Variants in CENPF observed in about 807,000 individuals in gnomAD.
CENPF encodes the protein AH antigen.
A neutral mutation model predicts 307.3 loss-of-function variants in CENPF; 214 were observed. The ratio of observed to expected loss-of-function variants is 0.70; its 90% CI spans 0.62 to 0.78. CENPF has a LOEUF of 0.78. Ranked by LOEUF, CENPF falls within the 30% of genes least tolerant of loss-of-function variation. The probability of loss-of-function intolerance (pLI) is 0.00; values close to 1 mark genes in which losing one functional copy is unlikely to be tolerated. For synonymous variants in CENPF, 1,259 were observed against 1,270.6 expected (o/e 0.99, Z 0.19); for missense variants, 3,401 against 3,483.9 (o/e 0.98, Z 0.60).
chr1:214,608,132 C>T (rs1296187096), intron 1 of CENPF, among the ~76,000 whole-genome samples: 2 of 152,222 alleles, frequency 1.3e-5, no homozygotes, highest in South Asian at 2.1e-4. Flanking sequence ...ACACCTCAGC[C>T]ATGTGGAGGC....
At chr1:214,615,163 C>T in intron 3 of CENPF, 135 bp downstream of exon 3, 1 of 539,932 alleles carries the variant, frequency 1.9e-6, no homozygotes, top group Admixed American at 3.8e-5. Flanking sequence ...GATTCGGTCT[C>T]TGTACCGTAA....
At chr1:214,621,021 TC>T (rs1403997080) in intron 6 of CENPF, 75 bp downstream of exon 6, 1 of 1,395,432 alleles carries the variant, frequency 7.2e-7, no homozygotes, top group East Asian at 2.3e-5. Flanking sequence ...ATATTTTTAA[TC>T]CCATAAAGTG....
rs143980257 is a variant in CENPF at position 214,662,311 on chromosome 1, G to A, written c.9142-1280G>A. On this transcript the variant is annotated intron_variant, in intron 19 of 19. Transcript: ENST00000366955. Reference sequence around the variant, plus strand: ...TTATTTTTTTCCTTCAACTTTCCATGGATGGTAATTTTCCATTAAGTCCTG... The same window carrying A: ...TTATTTTTTTCCTTCAACTTTCCATAGATGGTAATTTTCCATTAAGTCCTG... Among the ~76,000 whole-genome samples the A allele has an allele frequency of 4.4e-3, 670 of 151,538 alleles. 5 individuals carry two copies. Among genetic ancestry groups the A allele is most frequent in the Non-Finnish European group, 6.4e-3 (435 of 67,922 alleles).
intron 7 of CENPF, among the ~76,000 whole-genome samples, chr1:214,622,598 A>G (rs1657537874): frequency 6.6e-6 from 1 of 152,202 alleles, no homozygotes. Context: ...TAGGCACTTA[A>G]TGGCACTTTA....
chr1:214,640,897 T>G lies in CENPF; in HGVS notation c.2559T>G (p.Cys853Trp), dbSNP rs756505600. ...TGAACTCAGACCTGCAAAAGCAGTG[T>G]GAAGAGTTGGTGCAAATCAAAGGAG... ...KQMNSDLQKQ[C>W]EELVQIKGEI... Residue 853 changes from cysteine (C) to tryptophan (W), a missense_variant, in exon 12 of 20, where the codon TGT becomes TGG. By Grantham distance (215) the Cys-to-Trp change is radical (BLOSUM62 -2). Transcript: ENST00000366955. 3 of 1,606,308 alleles carry G rather than the reference T, an allele frequency of 1.9e-6. No homozygotes were observed. The highest frequency in any genetic ancestry group is 4.5e-5 in the East Asian group (2 of 44,818).
At chr1:214,615,483 A>G (rs963643695) in intron 3 of CENPF, among the ~76,000 whole-genome samples, 2 of 152,210 alleles carry the variant, frequency 1.3e-5, no homozygotes, top group African/African-American at 4.8e-5. Context: ...TAGTTGAAGC[A>G]TACTGATGGC....
chr1:214,639,729 T>C (rs77560612), intron 11 of CENPF, among the ~76,000 whole-genome samples, 192 bp from the exon 12 acceptor site: 4,494 of 152,098 alleles, frequency 0.03, 102 homozygotes, highest in Middle Eastern at 0.088. Flanking sequence ...ACCATTTTTC[T>C]CATTTTTATA....
At chr1:214,620,356 C>T (rs1016632844) in intron 5 of CENPF, among the ~76,000 whole-genome samples, 20 of 152,136 alleles carry the variant, frequency 1.3e-4, no homozygotes, top group African/African-American at 4.3e-4. Context: ...AGTGAATACT[C>T]ACATATGTTT....
At chr1:214,624,928 C>G (rs761373289) in intron 7 of CENPF, among the ~76,000 whole-genome samples, 1 of 151,976 alleles carries the variant, frequency 6.6e-6, no homozygotes, top group African/African-American at 2.4e-5. Context: ...CCTTTGATTT[C>G]TTCCAGTTTT....
intron 10 of CENPF, among the ~76,000 whole-genome samples, chr1:214,636,781 A>T (rs1298852519): frequency 6.6e-6 from 1 of 152,134 alleles, no homozygotes; most frequent in African/African-American, 2.4e-5. Flanking sequence ...ACAAAGGGGT[A>T]ATTTTGGTAG....
chr1:214,640,906 G>A lies in CENPF; in HGVS notation c.2568G>A (p.Leu856=). 6.2e-7 allele frequency: 1 copy of A among 1,606,460 alleles called. No homozygotes were observed. Among genetic ancestry groups the A allele is most frequent in the Non-Finnish European group, 8.5e-7 (1 of 1,178,244 alleles). Residue 856 remains leucine (L), a synonymous_variant, in exon 12 of 20, where the codon TTG becomes TTA. Transcript: ENST00000366955. ...NSDLQKQCEE[L]VQIKGEIEEN... ...ACCTGCAAAAGCAGTGTGAAGAGTT[G>A]GTGCAAATCAAAGGAGAAATAGAAG...
Position 214,645,683 on chromosome 1 carries a change from A to C in CENPF, c.6113A>C (p.Gln2038Pro), listed in dbSNP as rs142561288. Residue 2038 changes from glutamine (Q) to proline (P), a missense_variant, in exon 13 of 20, where the codon CAG becomes CCG. Physicochemically the swap from Gln to Pro is moderately conservative, Grantham distance 76 (BLOSUM62 -1). Coordinates refer to ENST00000366955, the MANE Select transcript of CENPF (RefSeq NM_016343.4). Reference protein sequence around the residue: ...KDKTHLQEKLQSLEKDSQALS... With the variant: ...KDKTHLQEKLPSLEKDSQALS... ...AAAACTCATCTCCAGGAAAAGCTGC[A>C]GAGTTTGGAAAAGGACTCACAGGCA... The C allele has an allele frequency of 1.7e-3, 2,702 of 1,614,202 alleles. 57 individuals carry two copies. The highest frequency in any genetic ancestry group is 2.4e-4 in the Non-Finnish European group (285 of 1,180,032).
At position 214,641,785 on chromosome 1, in the gene CENPF, A is replaced by G; in HGVS notation, c.3447A>G (p.Leu1149=). 2 of 1,596,624 alleles carry G rather than the reference A, an allele frequency of 1.3e-6. No individual in the cohort carries two copies. Among genetic ancestry groups the G allele is most frequent in the Non-Finnish European group, 1.7e-6 (2 of 1,175,648 alleles). Residue 1149 remains leucine (L), a synonymous_variant, in exon 12 of 20, where the codon TTA becomes TTG. Coordinates refer to ENST00000366955, the MANE Select transcript of CENPF (RefSeq NM_016343.4). ...AAATGCAAAAGGAAGTTAATGACTT[A>G]TTACAAGAGAATGAACAGCTGATGA... ...QNKMQKEVND[L]LQENEQLMKV...
chr1:214,661,468 CT>C (rs1658784734), intron 19 of CENPF, among the ~76,000 whole-genome samples: 1 of 152,148 alleles, frequency 6.6e-6, no homozygotes, highest in South Asian at 2.1e-4. Flanking sequence ...GTGAGTTCTC[CT>C]TTGAGGTGAC....
Position 214,645,942 on chromosome 1 carries a change from G to GA in CENPF, c.6373dup (p.Arg2125LysfsTer5), listed in dbSNP as rs1434044360. 1 of 1,614,162 alleles carries GA rather than the reference G, an allele frequency of 6.2e-7. No homozygotes were observed. The highest frequency in any genetic ancestry group is 8.5e-7 in the Non-Finnish European group (1 of 1,180,042). ...AGCTGAGAAGAGGCATCGAGAAACT[G>GA]AGAGTTCGCATTGAGGCCGATGAAA... is the stretch of plus-strand genomic sequence containing the variant. On this transcript the variant is annotated frameshift_variant, in exon 13 of 20. Coordinates refer to ENST00000366955, the MANE Select transcript of CENPF (RefSeq NM_016343.4). LOFTEE classifies it high-confidence loss of function.
rs1355401391 is a variant in CENPF, at chr1:214,646,875, A to G, written c.7305A>G (p.Lys2435=). Reference sequence around the variant, plus strand: ...AAGAGAAAGTACAGATGAAAGAAAAATCAAGCACTGCCATGGAGATGCTTC... The same window carrying G: ...AAGAGAAAGTACAGATGAAAGAAAAGTCAAGCACTGCCATGGAGATGCTTC... The part of the protein sequence containing the change: ...KEQEKVQMKE[K]SSTAMEMLQT... The change falls in exon 13 of 20, where the codon AAA becomes AAG. Residue 2435 remains lysine, a synonymous_variant. Coordinates refer to ENST00000366955, the MANE Select transcript of CENPF (RefSeq NM_016343.4). 1 of 1,613,718 alleles carries G rather than the reference A, an allele frequency of 6.2e-7. No individual in the cohort carries two copies. Among genetic ancestry groups the G allele is most frequent in the Non-Finnish European group, 8.5e-7 (1 of 1,179,924 alleles).
chr1:214,657,116 C>G lies in CENPF; in HGVS notation c.8669C>G (p.Ser2890Ter), dbSNP rs1458427871. Residue 2890 changes from serine to a stop codon, truncating the protein, a stop_gained, in exon 18 of 20, where the codon TCA becomes TGA. Transcript: ENST00000366955. LOFTEE classifies it high-confidence loss of function. The stretch of plus-strand genomic sequence containing the variant: ...GAGACACAAGTGGCCCATCTGTGTT[C>G]ACAGCAATCTAAACAAGATTCCCGA... ...MLETQVAHLC[S>*]QQSKQDSRGS... The G allele has an allele frequency of 3.1e-6, 5 of 1,614,066 alleles. No homozygotes were observed. Among genetic ancestry groups the G allele is most frequent in the Non-Finnish European group, 4.2e-6 (5 of 1,180,036 alleles).
At chr1:214,635,035 C>T (rs1230894014) in intron 10 of CENPF, among the ~76,000 whole-genome samples, 1 of 152,132 alleles carries the variant, frequency 6.6e-6, no homozygotes, top group Non-Finnish European at 1.5e-5. Flanking sequence ...GTCCACTATC[C>T]AGTGCCAGCC....
chr1:214,640,397 G>A lies in CENPF; in HGVS notation c.2059G>A (p.Asp687Asn), dbSNP rs771029288. 2 of 1,614,038 alleles carry A rather than the reference G, an allele frequency of 1.2e-6. No homozygotes were observed. The highest frequency in any genetic ancestry group is 1.7e-5 in the Admixed American group (1 of 60,006). The change falls in exon 12 of 20, where the codon GAC (aspartate) becomes AAC (asparagine). Residue 687 changes from aspartate (D) to asparagine (N), a missense_variant. Transcript: ENST00000366955. ...GATCAGAAACCTTCACAACGTGTTA[G>A]ACAGTAAGTCAGTGGAGGTAGAGAC... ...VEIRNLHNVL[D>N]SKSVEVETQK...
Sources: allele counts gnomAD v4.1 joint callset (sites outside exome capture counted in the v4.1 genomes callset), GRCh38; gene constraint gnomAD v4.1.1; transcripts MANE v1.5; gene names NCBI Gene and HGNC (gene_info 2026-07-23, HGNC 2026-07-21).